ABTB2: variants seen among roughly 807,000 people sequenced by gnomAD.
ABTB2 encodes the protein ankyrin repeat and BTB/POZ domain-containing protein 2.
ABTB2 carries 56 observed loss-of-function variants against 104.1 expected under a neutral mutation model. The observed-to-expected ratio is 0.54, with a 90% CI of 0.43 to 0.67. The LOEUF is 0.67. Ranked by LOEUF, ABTB2 falls within the 30% of genes least tolerant of loss-of-function variation. The pLI is 0.00. For missense variants in ABTB2, 1,279 were observed against 1,407.7 expected (o/e 0.91, Z 1.46); for synonymous variants, 606 against 608.2 (o/e 1.00, Z 0.05).
chr11:34,243,934 T>C (rs1375534620), intron 1 of ABTB2, among the ~76,000 whole-genome samples: 1 of 152,224 alleles, frequency 6.6e-6, no homozygotes, highest in African/African-American at 2.4e-5. Flanking sequence ...CTCAGTACTC[T>C]AGAAGAGCAG....
intron 10 of ABTB2, among the ~76,000 whole-genome samples, chr11:34,161,500 C>T (rs550565305): frequency 5.8e-4 from 89 of 152,218 alleles, no homozygotes; most frequent in African/African-American, 1.7e-3. Flanking sequence ...GAGGGGTGGC[C>T]AGGAGGGCTT....
chr11:34,234,969 T>C (rs1853821990), intron 1 of ABTB2, among the ~76,000 whole-genome samples: 1 of 152,198 alleles, frequency 6.6e-6, no homozygotes, highest in East Asian at 1.9e-4. Context: ...GCCATTCTCC[T>C]GCCTCAGCCT....
Position 34,357,668 on chromosome 11 carries a change from T to G in ABTB2, c.-85A>C. ...TTCCCAAGTGGGCAGAAACAAGCTC[T>G]AGGCCCTCCGGGCCACCCTCCTTCC... On this transcript the variant is annotated 5_prime_UTR_variant, in exon 1 of 17. An upstream open reading frame in the 5' UTR loses its in-frame stop. Coordinates refer to ENST00000435224, the MANE Select transcript of ABTB2 (RefSeq NM_145804.3). 9.7e-6 allele frequency: 13 copies of G among 1,334,614 alleles called. No individual in the cohort carries two copies. The highest frequency in any genetic ancestry group is 2.9e-5 in the East Asian group (1 of 34,722). 82.7% of individuals were successfully genotyped at this position (1,334,614 alleles called of 1,614,324 possible).
intron 1 of ABTB2, among the ~76,000 whole-genome samples, chr11:34,294,442 C>A (rs1262745063): frequency 6.6e-6 from 1 of 152,134 alleles, no homozygotes; most frequent in South Asian, 2.1e-4. Context: ...GGAGATGAGA[C>A]CTTGATTGTT....
intron 5 of ABTB2, among the ~76,000 whole-genome samples, chr11:34,170,051 T>C (rs887738247): frequency 1.3e-5 from 2 of 152,176 alleles, no homozygotes. Flanking sequence ...ACAGTGCCCT[T>C]CCGCACACTG....
At chr11:34,332,587 C>T (rs1367456248) in intron 1 of ABTB2, among the ~76,000 whole-genome samples, 2 of 152,146 alleles carry the variant, frequency 1.3e-5, no homozygotes, top group African/African-American at 4.8e-5. Flanking sequence ...CCTCCAGCTG[C>T]TTTTGAAAGC....
chr11:34,342,573 G>A (rs1336943693), intron 1 of ABTB2, among the ~76,000 whole-genome samples: 1 of 152,216 alleles, frequency 6.6e-6, no homozygotes, highest in African/African-American at 2.4e-5. Context: ...GCAGCAAAAT[G>A]GGAGTAAGAG....
intron 2 of ABTB2, among the ~76,000 whole-genome samples, chr11:34,199,132 A>G (rs1853304395): frequency 6.6e-6 from 1 of 152,104 alleles, no homozygotes; most frequent in Non-Finnish European, 1.5e-5. Context: ...CACCTTACAC[A>G]TTCATTTCTT....
intron 3 of ABTB2, among the ~76,000 whole-genome samples, chr11:34,176,874 A>C (rs549018294): frequency 1.3e-5 from 2 of 152,314 alleles, no homozygotes; most frequent in Admixed American, 1.3e-4. Flanking sequence ...AAGAAACAAC[A>C]ATCTATTCAT....
At chr11:34,241,326 G>A (rs1224016735) in intron 1 of ABTB2, among the ~76,000 whole-genome samples, 2 of 152,186 alleles carry the variant, frequency 1.3e-5, no homozygotes, top group East Asian at 1.9e-4. Context: ...CATGTGCGTT[G>A]AGAGAGCCAG....
At position 34,244,277 on chromosome 11, in the gene ABTB2, A is replaced by T. The variant is rs1043192359; in HGVS notation, c.884-39587T>A. On this transcript the variant is annotated intron_variant, in intron 1 of 16. Coordinates refer to ENST00000435224, the MANE Select transcript of ABTB2 (RefSeq NM_145804.3). The stretch of plus-strand genomic sequence containing the variant: ...TAAAACACTTAGGAGATAAGAAGGC[A>T]ATCTATCAGGACTCCCCTGACCTTT... Among the ~76,000 whole-genome samples the T allele has an allele frequency of 1.5e-4, 23 of 152,344 alleles. 1 individual carries two copies. The highest frequency in any genetic ancestry group is 6.8e-3 in the Middle Eastern group (2 of 294).
intron 1 of ABTB2, among the ~76,000 whole-genome samples, chr11:34,319,191 G>A (rs752335932): frequency 2.0e-5 from 3 of 152,212 alleles, no homozygotes; most frequent in Non-Finnish European, 4.4e-5. Flanking sequence ...ATGCTTCCTG[G>A]ATCTGACACA....
intron 1 of ABTB2, among the ~76,000 whole-genome samples, chr11:34,260,211 C>T (rs894724396): frequency 7.2e-5 from 11 of 152,190 alleles, no homozygotes; most frequent in East Asian, 5.8e-4. Flanking sequence ...GTGTACCCAC[C>T]GTTCAGCGCT....
Position 34,152,247 on chromosome 11 carries a change from C to G in ABTB2, c.*140G>C. ...GCAGAGGAGATGAGGGTGAGCTGCC[C>G]GGTGACAGGGGGGACATCTGGGGGA... On this transcript the variant is annotated 3_prime_UTR_variant, in exon 17 of 17. Coordinates refer to ENST00000435224, the MANE Select transcript of ABTB2 (RefSeq NM_145804.3). The G allele has an allele frequency of 1.1e-6, 1 of 930,836 alleles. No homozygotes were observed. Among genetic ancestry groups the G allele is most frequent in the Non-Finnish European group, 1.6e-6 (1 of 630,486 alleles). 57.7% of individuals were successfully genotyped at this position (930,836 alleles called of 1,614,324 possible).
intron 7 of ABTB2, among the ~76,000 whole-genome samples, chr11:34,166,999 C>G (rs556979745): frequency 6.6e-6 from 1 of 152,216 alleles, no homozygotes; most frequent in Admixed American, 6.5e-5. Flanking sequence ...AGAGAGATGC[C>G]GGGAGGGCAT....
chr11:34,271,936 G>T lies in ABTB2; in HGVS notation c.884-67246C>A, dbSNP rs149067026. ...AATGCTAGACTGTGTATGGCACCTA[G>T]CAGGGCTCTGTGCTTGCCAAGCAAA... On this transcript the variant is annotated intron_variant, in intron 1 of 16. Transcript: ENST00000435224. Among the ~76,000 whole-genome samples the T allele has an allele frequency of 2.6e-3, 390 of 152,264 alleles. 4 individuals carry two copies. Among genetic ancestry groups the T allele is most frequent in the African/African-American group, 9.1e-3 (380 of 41,560 alleles).
intron 1 of ABTB2, among the ~76,000 whole-genome samples, chr11:34,306,671 C>T (rs1399540642): frequency 1.3e-5 from 2 of 151,824 alleles, no homozygotes; most frequent in Non-Finnish European, 2.9e-5. Context: ...CTGCAGTGAG[C>T]CATGACTGCA....
intron 1 of ABTB2, among the ~76,000 whole-genome samples, chr11:34,311,027 T>G (rs1290473646): frequency 6.6e-6 from 1 of 152,216 alleles, no homozygotes; most frequent in Non-Finnish European, 1.5e-5. Flanking sequence ...CGTTTCTCCA[T>G]GTCAAAGGGG....
At chr11:34,248,746 T>C (rs1244560408) in intron 1 of ABTB2, among the ~76,000 whole-genome samples, 2 of 152,226 alleles carry the variant, frequency 1.3e-5, no homozygotes, top group Non-Finnish European at 2.9e-5. Flanking sequence ...GCAGGACACA[T>C]TGAGGTTGTG....
Sources: allele counts gnomAD v4.1 joint callset (sites outside exome capture counted in the v4.1 genomes callset), GRCh38; gene constraint gnomAD v4.1.1; transcripts MANE v1.5; gene names NCBI Gene and HGNC (gene_info 2026-07-23, HGNC 2026-07-21).